Variants in CLEC16A observed in about 807,000 individuals in gnomAD.
CLEC16A encodes the protein C-type lectin domain containing 16A.
Under a neutral mutation model 109.5 loss-of-function variants are expected in CLEC16A, and 51 were observed. That is an observed-to-expected ratio of 0.47 (90% CI 0.37 to 0.59). The LOEUF (loss-of-function observed/expected upper bound fraction) is 0.59. Among genes scored for constraint, CLEC16A ranks in the 20% least tolerant of loss-of-function variants. The pLI is 0.00. For missense variants in CLEC16A, 1,339 were observed against 1,394.0 expected (o/e 0.96, Z 0.63); for synonymous variants, 673 against 564.2 (o/e 1.19, Z -2.73).
chr16:10,985,836 G>C (rs1187977672), intron 10 of CLEC16A, among the ~76,000 whole-genome samples: 1 of 151,652 alleles, frequency 6.6e-6, no homozygotes. Context: ...CTCCCAAGTA[G>C]CTGGGATTAC....
Position 11,027,724 on chromosome 16 carries a change from G to A in CLEC16A, c.1537+2803G>A, listed in dbSNP as rs140835684. The A allele has an allele frequency of 9.9e-4, 1,566 of 1,574,918 alleles. 11 individuals are homozygous for A. The African/African-American group carries it at 0.018, about 18-fold the overall frequency. ...AAGGAGATGGGCACACTTGGCTATC[G>A]GGGTGAACGCATCAATCAGCTCATC... is the stretch of plus-strand genomic sequence containing the variant. On this transcript the variant is annotated intron_variant, in intron 13 of 23. Transcript: ENST00000409790.
intron 3 of CLEC16A, among the ~76,000 whole-genome samples, chr16:10,968,091 C>T (rs1596793194): frequency 6.6e-6 from 1 of 152,214 alleles, no homozygotes; most frequent in Admixed American, 6.5e-5. Flanking sequence ...TCCTGGGGGC[C>T]GGGCAGGTGA....
chr16:11,007,160 C>A (rs2045075880), intron 11 of CLEC16A, among the ~76,000 whole-genome samples: 1 of 151,918 alleles, frequency 6.6e-6, no homozygotes. Context: ...TGTTTTTTTG[C>A]CTATGGAAAA....
At chr16:11,008,924 G>A (rs573314488) in intron 11 of CLEC16A, among the ~76,000 whole-genome samples, 3 of 151,830 alleles carry the variant, frequency 2.0e-5, no homozygotes, top group Non-Finnish European at 4.4e-5. Context: ...GCGTGAACCC[G>A]GGAGGCGGAG....
intron 11 of CLEC16A, among the ~76,000 whole-genome samples, chr16:11,013,686 G>A (rs900044949): frequency 2.0e-5 from 3 of 152,184 alleles, no homozygotes; most frequent in East Asian, 1.9e-4. Context: ...GTTAGACTGG[G>A]AGGCAGAGGT....
intron 9 of CLEC16A, 59 bp from the exon 10 acceptor site, chr16:10,982,819 C>T (rs1432198567): frequency 3.0e-6 from 3 of 990,166 alleles, no homozygotes; most frequent in Non-Finnish European, 4.8e-6. Context: ...ATCCAGGAAG[C>T]AAGAGGTTGA....
intron 10 of CLEC16A, among the ~76,000 whole-genome samples, chr16:10,994,998 C>T (rs907890741): frequency 1.3e-5 from 2 of 152,222 alleles, no homozygotes; most frequent in African/African-American, 4.8e-5. Context: ...CAAATCCTGC[C>T]TCTGCCTCTC....
chr16:11,086,746 T>C (rs1251966850), intron 19 of CLEC16A, among the ~76,000 whole-genome samples: 1 of 152,204 alleles, frequency 6.6e-6, no homozygotes, highest in African/African-American at 2.4e-5. Flanking sequence ...TTTCACCATG[T>C]TGTCCAGGCT....
chr16:11,089,308 T>C (rs942757613), intron 19 of CLEC16A, among the ~76,000 whole-genome samples: 5 of 152,098 alleles, frequency 3.3e-5, no homozygotes, highest in African/African-American at 9.7e-5. Flanking sequence ...GACATCAGGG[T>C]ATGAGGGTGG....
At chr16:11,037,815 G>A (rs1002261229) in intron 13 of CLEC16A, among the ~76,000 whole-genome samples, 7 of 106,352 alleles carry the variant, frequency 6.6e-5, no homozygotes, top group African/African-American at 2.7e-4. Context: ...ACCACTGACT[G>A]GCAGTTCTCA....
intron 19 of CLEC16A, among the ~76,000 whole-genome samples, chr16:11,069,570 T>C (rs1227451659): frequency 1.3e-5 from 2 of 151,372 alleles, no homozygotes; most frequent in Non-Finnish European, 2.9e-5. Flanking sequence ...CCTGAGTAAC[T>C]GAGATCACAG....
rs201180704 is a variant in CLEC16A, at chr16:11,129,159, A to G, written c.2641+3013A>G. ...TCTCAGAGTTTTAGCCTCAGCACCC[A>G]CGTGTTTATCTGCTTAAAAAGTATT... On this transcript the variant is annotated intron_variant, in intron 22 of 23. Transcript: ENST00000409790. 8.5e-5 allele frequency among the ~76,000 whole-genome samples: 13 copies of G among 152,130 alleles called. No homozygotes were observed. In the East Asian group the frequency reaches 2.5e-3, roughly 29 times the overall value.
In CLEC16A at chr16:11,125,962, C is replaced by G; in HGVS notation, c.2474-17C>G. 7.2e-7 allele frequency: 1 copy of G among 1,398,180 alleles called. No homozygotes were observed. Among genetic ancestry groups the G allele is most frequent in the Non-Finnish European group, 9.6e-7 (1 of 1,045,726 alleles). 86.6% of individuals were successfully genotyped at this position (1,398,180 alleles called of 1,614,324 possible). On this transcript the variant is annotated splice_polypyrimidine_tract_variant and intron_variant, in intron 21 of 23. Coordinates refer to ENST00000409790, the MANE Select transcript of CLEC16A (RefSeq NM_015226.3). ...TCCCACATGCTCAGAGTGAACCATG[C>G]TATTGTTTGACCGTAGCCCTCCTGG...
At chr16:10,982,535 C>T (rs2043381276) in intron 9 of CLEC16A, among the ~76,000 whole-genome samples, 2 of 152,158 alleles carry the variant, frequency 1.3e-5, no homozygotes, top group South Asian at 4.1e-4. Context: ...CTAAAATGCC[C>T]ATGGAAAGGA....
chr16:11,055,631 A>G (rs899739815), intron 18 of CLEC16A, among the ~76,000 whole-genome samples: 2 of 113,180 alleles, frequency 1.8e-5, no homozygotes, highest in Admixed American at 1.4e-4. Context: ...TCTGTCACCC[A>G]TGCTGGAGTG....
At chr16:11,092,339 T>C (rs956738146) in intron 19 of CLEC16A, among the ~76,000 whole-genome samples, 3 of 139,300 alleles carry the variant, frequency 2.2e-5, no homozygotes, top group African/African-American at 8.0e-5. Context: ...GTAAGACCTG[T>C]CTCAAAAAAC....
chr16:11,018,690 A>T (rs954459486), intron 11 of CLEC16A, among the ~76,000 whole-genome samples: 4 of 149,544 alleles, frequency 2.7e-5, no homozygotes, highest in Non-Finnish European at 5.9e-5. Context: ...CGGAGCTTGC[A>T]GTGAGCCGAG....
chr16:11,010,583 T>G (rs2045341679), intron 11 of CLEC16A, among the ~76,000 whole-genome samples: 1 of 152,176 alleles, frequency 6.6e-6, no homozygotes, highest in Admixed American at 6.5e-5. Flanking sequence ...CCCACGCACA[T>G]TCATCGTGCC....
chr16:11,098,236 G>A (rs1295411099), intron 19 of CLEC16A, among the ~76,000 whole-genome samples: 1 of 152,212 alleles, frequency 6.6e-6, no homozygotes, highest in Admixed American at 6.5e-5. Flanking sequence ...CAACAGAAAA[G>A]CCAGAAGATG....
Sources: allele counts gnomAD v4.1 joint callset (sites outside exome capture counted in the v4.1 genomes callset), GRCh38; gene constraint gnomAD v4.1.1; transcripts MANE v1.5; gene names NCBI Gene and HGNC (gene_info 2026-07-23, HGNC 2026-07-21).